CHLSN: variants seen among roughly 807,000 people sequenced by gnomAD.
CHLSN encodes the protein protein cholesin.
At chr7:1,057,760 T>G in the CHLSN span, 18 of 775,832 alleles carry the variant, frequency 2.3e-5, no homozygotes, top group Non-Finnish European at 3.6e-5. Flanking sequence ...CTGGCCCCTG[T>G]GCACCTGCTC....
At chr7:1,022,198 GGCCCC>G in the CHLSN span, among the ~76,000 whole-genome samples, 4 of 152,206 alleles carry the variant, frequency 2.6e-5, no homozygotes, top group African/African-American at 9.6e-5. Context: ...CCAGAAGCCT[GGCCCC>G]GTCCCACGAG....
chr7:1,056,079 GC>G, the CHLSN span: 1 of 153,684 alleles, frequency 6.5e-6, no homozygotes. Flanking sequence ...CCCCTCACCG[GC>G]CCCCGCCACT....
the CHLSN span, among the ~76,000 whole-genome samples, chr7:1,019,051 C>T: frequency 0.16 from 23,574 of 151,940 alleles, 2,010 homozygotes; most frequent in Admixed American, 0.22. Flanking sequence ...AAAAATTAGC[C>T]GGGCATGGTG....
chr7:1,075,128 C>G, the CHLSN span, among the ~76,000 whole-genome samples: 1 of 152,220 alleles, frequency 6.6e-6, no homozygotes. Context: ...AACCCGTCCT[C>G]TGGCCTCACT....
At chr7:1,065,741 A>G in the CHLSN span, among the ~76,000 whole-genome samples, 3 of 152,212 alleles carry the variant, frequency 2.0e-5, no homozygotes, top group Non-Finnish European at 2.9e-5. Flanking sequence ...AGAACACGCC[A>G]GGGTGGAGAC....
the CHLSN span, chr7:997,600 G>C: frequency 1.3e-6 from 2 of 1,509,114 alleles, no homozygotes; most frequent in South Asian, 1.3e-5. Context: ...GCACTGGGCA[G>C]CGGCCCCGCC....
chr7:1,019,120 G>C, the CHLSN span, among the ~76,000 whole-genome samples: 1 of 150,654 alleles, frequency 6.6e-6, no homozygotes, highest in Non-Finnish European at 1.5e-5. Context: ...TGAACCCGCG[G>C]GGGGCAGAGG....
At chr7:1,023,677 A>C in the CHLSN span, among the ~76,000 whole-genome samples, 34 of 101,502 alleles carry the variant, frequency 3.3e-4, no homozygotes, top group South Asian at 1.3e-3. This position sits in a 1 kb window ranked among gnomAD's most constrained non-coding sequence, Gnocchi z 5.0. Context: ...ACACACACAC[A>C]CCAGCAACGC....
chr7:1,003,934 T>C, the CHLSN span, among the ~76,000 whole-genome samples: 4 of 90,522 alleles, frequency 4.4e-5, no homozygotes, highest in East Asian at 3.6e-4. Flanking sequence ...TGGAGTCCTG[T>C]GGGTGGGGAG....
chr7:1,008,113 A>C, the CHLSN span, among the ~76,000 whole-genome samples: 5 of 152,178 alleles, frequency 3.3e-5, no homozygotes, highest in African/African-American at 1.2e-4. Context: ...GGCACCTGCC[A>C]GTGGAGACAG....
the CHLSN span, among the ~76,000 whole-genome samples, chr7:1,047,167 C>G: frequency 6.6e-6 from 1 of 152,250 alleles, no homozygotes; most frequent in Non-Finnish European, 1.5e-5. Flanking sequence ...TTCCACCTTC[C>G]TCCAGGGAAC....
At chr7:1,028,532 C>T in the CHLSN span, 2 of 984,998 alleles carry the variant, frequency 2.0e-6, no homozygotes, top group African/African-American at 1.7e-5. Flanking sequence ...CCCCACTGCT[C>T]CTCCGACGAG....
At chr7:1,123,522 C>A in the CHLSN span, among the ~76,000 whole-genome samples, 2 of 152,200 alleles carry the variant, frequency 1.3e-5, no homozygotes, top group South Asian at 4.1e-4. The surrounding 1 kb of genome is among the most constrained non-coding windows in gnomAD (Gnocchi z 4.4). Context: ...CCCCCGGAGC[C>A]CAGGAATGCT....
chr7:978,119 C>T, the CHLSN span, among the ~76,000 whole-genome samples: 8 of 152,278 alleles, frequency 5.3e-5, no homozygotes, highest in East Asian at 3.9e-4. Context: ...AGGTGACAAC[C>T]GGCTTTTAAT....
At chr7:1,053,568 C>T in the CHLSN span, among the ~76,000 whole-genome samples, 1 of 152,228 alleles carries the variant, frequency 6.6e-6, no homozygotes, top group East Asian at 1.9e-4. Context: ...TGGCTCACGT[C>T]TGTAATCCCA....
the CHLSN span, among the ~76,000 whole-genome samples, chr7:982,265 G>A: frequency 5.3e-5 from 8 of 152,066 alleles, no homozygotes; most frequent in African/African-American, 1.2e-4. Flanking sequence ...CTAATCAAGG[G>A]GGACCAACCC....
At chr7:1,100,782 CA>C in the CHLSN span, among the ~76,000 whole-genome samples, 1 of 151,238 alleles carries the variant, frequency 6.6e-6, no homozygotes, top group African/African-American at 2.4e-5. Context: ...AAAAAAAAAA[CA>C]AAACAAAACC....
the CHLSN span, chr7:1,059,316 C>A: frequency 6.3e-6 from 1 of 157,904 alleles, no homozygotes. Context: ...GGACAGAGGG[C>A]TGGAGGCTGT....
the CHLSN span, among the ~76,000 whole-genome samples, chr7:1,035,550 A>C: frequency 3.3e-5 from 5 of 152,254 alleles, no homozygotes; most frequent in African/African-American, 1.2e-4. Flanking sequence ...GACGCGCGAC[A>C]TCCTTTGACG....
Sources: allele counts gnomAD v4.1 joint callset (sites outside exome capture counted in the v4.1 genomes callset), GRCh38; gene constraint gnomAD v4.1.1; non-coding constraint Gnocchi (gnomAD v3.1); transcripts MANE v1.5; gene names NCBI Gene and HGNC (gene_info 2026-07-23, HGNC 2026-07-21).